ABCA1: variants seen among roughly 807,000 people sequenced by gnomAD.
ABCA1 encodes the protein ATP binding cassette subfamily A member 1.
Under a neutral mutation model 262.5 loss-of-function variants are expected in ABCA1, and 133 were observed. The ratio of observed to expected loss-of-function variants is 0.51; its 90% CI spans 0.44 to 0.59. The LOEUF is 0.59. Among genes scored for constraint, ABCA1 ranks in the 20% least tolerant of loss-of-function variants. The probability of loss-of-function intolerance (pLI) is 0.00; values close to 1 mark genes in which losing one functional copy is unlikely to be tolerated. For synonymous variants in ABCA1, 1,022 were observed against 1,043.5 expected, an observed-to-expected ratio of 0.98 and a Z score of 0.40; for missense variants, 2,452 against 2,777.5, an observed-to-expected ratio of 0.88 and a Z score of 2.63.
intron 1 of ABCA1, among the ~76,000 whole-genome samples, chr9:104,908,646 G>A (rs1194647215): frequency 6.6e-6 from 1 of 152,202 alleles, no homozygotes; most frequent in Non-Finnish European, 1.5e-5. Context: ...GGGTGACAGA[G>A]TGAGACACCT....
rs1489498348 is a variant in ABCA1 at position 104,781,265 on chromosome 9, A to G, written c.*3050T>C. On this transcript the variant is annotated 3_prime_UTR_variant, in exon 50 of 50. Transcript: ENST00000374736. The stretch of plus-strand genomic sequence containing the variant: ...GAATGAGGGCCAATGATGAACAAAG[A>G]GCACAAAAACAGCTTCATCTTAGGG... The G allele has an allele frequency of 6.6e-6, 1 of 152,626 alleles. No individual in the cohort carries two copies. Among genetic ancestry groups the G allele is most frequent in the Admixed American group, 6.5e-5 (1 of 15,282 alleles). 9.5% of individuals were successfully genotyped at this position (152,626 alleles called of 1,614,324 possible).
chr9:104,815,029 T>C (rs894405635), intron 25 of ABCA1, among the ~76,000 whole-genome samples: 5 of 152,038 alleles, frequency 3.3e-5, no homozygotes, highest in Admixed American at 2.0e-4. Flanking sequence ...AAAAAAGCTA[T>C]GACAGACACT....
intron 8 of ABCA1, among the ~76,000 whole-genome samples, chr9:104,844,626 G>A (rs944174154): frequency 6.6e-6 from 1 of 152,100 alleles, no homozygotes. Context: ...TTAGATACAA[G>A]CACCAAAAAA....
chr9:104,902,981 C>G (rs1840788287), intron 2 of ABCA1, among the ~76,000 whole-genome samples: 1 of 152,126 alleles, frequency 6.6e-6, no homozygotes, highest in Admixed American at 6.5e-5. Flanking sequence ...AAAGAGCTGA[C>G]GTCTGAGTTT....
chr9:104,805,766 C>T (rs1046812503), intron 31 of ABCA1, among the ~76,000 whole-genome samples: 3 of 152,206 alleles, frequency 2.0e-5, no homozygotes, highest in Non-Finnish European at 4.4e-5. Flanking sequence ...AAACCTTCTC[C>T]CCTCAAAACT....
intron 2 of ABCA1, among the ~76,000 whole-genome samples, chr9:104,895,799 T>C (rs1840153216): frequency 6.6e-6 from 1 of 152,144 alleles, no homozygotes; most frequent in South Asian, 2.1e-4. Context: ...TTTCCCTCCC[T>C]AGCCTGAGGA....
chr9:104,918,731 T>C (rs1487322341), intron 1 of ABCA1, among the ~76,000 whole-genome samples: 1 of 152,150 alleles, frequency 6.6e-6, no homozygotes, highest in Non-Finnish European at 1.5e-5. Context: ...TGGAGAAGGG[T>C]CTGCAGGTCA....
chr9:104,897,795 G>A (rs1400808788), intron 2 of ABCA1, among the ~76,000 whole-genome samples: 2 of 152,158 alleles, frequency 1.3e-5, no homozygotes, highest in African/African-American at 2.4e-5. Context: ...GTAGAGATGG[G>A]TGTCACCACA....
chr9:104,894,671 C>A (rs1053880270), intron 2 of ABCA1, among the ~76,000 whole-genome samples: 1 of 152,200 alleles, frequency 6.6e-6, no homozygotes, highest in Non-Finnish European at 1.5e-5. Flanking sequence ...TCCTTCTCTT[C>A]GCCATTATGG....
intron 1 of ABCA1, 65 bp from the exon 2 acceptor site, chr9:104,903,836 GACTGCTA>G: frequency 1.4e-6 from 1 of 713,574 alleles, no homozygotes; most frequent in Non-Finnish European, 2.5e-6. Context: ...CACCAATGAG[GACTGCTA>G]ATCCAGCCCT....
intron 11 of ABCA1, among the ~76,000 whole-genome samples, chr9:104,833,455 T>C (rs1442759528): frequency 6.6e-6 from 1 of 152,206 alleles, no homozygotes; most frequent in Non-Finnish European, 1.5e-5. Flanking sequence ...GTGCTGGGAT[T>C]ACAGGCACAA....
chr9:104,816,339 G>A lies in ABCA1; in HGVS notation c.3542C>T (p.Ser1181Phe), dbSNP rs76881554. Residue 1181 changes from serine to phenylalanine, a missense_variant, in exon 25 of 50, where the codon TCT (serine) becomes TTT (phenylalanine). Ser to Phe is a radical substitution (Grantham distance 155). Around this residue, in one of 4 missense-constraint regions of ABCA1, gnomAD observed 665 missense variants for 727.3 expected, o/e 0.91. Coordinates refer to ENST00000374736, the MANE Select transcript of ABCA1 (RefSeq NM_005502.4). ...CTTCCTGATGAGGTTGGAGATAGCA[G>A]AGACATCTGCAGGGACCAGAATGCA... ...HESDTLTIDVSAISNLIRKHV... is the reference protein window; with the variant it reads ...HESDTLTIDVFAISNLIRKHV... 2,594 of 1,613,706 alleles carry A rather than the reference G, an allele frequency of 1.6e-3. 1 individual carries two copies. Among genetic ancestry groups the A allele is most frequent in the Non-Finnish European group, 1.9e-3 (2,242 of 1,179,976 alleles).
chr9:104,927,879 C>T (rs1050904199), intron 1 of ABCA1, 56 bp downstream of exon 1: 1 of 152,368 alleles, frequency 6.6e-6, no homozygotes, highest in Non-Finnish European at 1.5e-5. Context: ...CCCGAAGCCT[C>T]CTTGGCCTCG....
chr9:104,796,908 A>G (rs1829943793), intron 37 of ABCA1, among the ~76,000 whole-genome samples: 1 of 152,236 alleles, frequency 6.6e-6, no homozygotes, highest in East Asian at 1.9e-4. Context: ...CTGTCCTGAC[A>G]GTGTATCAAG....
chr9:104,893,421 C>CAAA lies in ABCA1; in HGVS notation c.67-4229_67-4227dup, dbSNP rs34544647. Reference sequence around the variant, plus strand: ...TGGGCAACAGAGTGAGACTTCACCTCAAAAAAAAAAAAAAAAAAAAAAAAA... The same window carrying CAAA: ...TGGGCAACAGAGTGAGACTTCACCTCAAAAAAAAAAAAAAAAAAAAAAAAAAAA... On this transcript the variant is annotated intron_variant, in intron 2 of 49. Coordinates refer to ENST00000374736, the MANE Select transcript of ABCA1 (RefSeq NM_005502.4). Among the ~76,000 whole-genome samples, 345 of 35,128 alleles carry CAAA rather than the reference C, an allele frequency of 9.8e-3. 35 individuals are homozygous for CAAA. The highest frequency in any genetic ancestry group is 0.014 in the Admixed American group (36 of 2,572). 23.0% of individuals were successfully genotyped at this position (35,128 alleles called of 152,430 possible).
At position 104,903,666 on chromosome 9, in the gene ABCA1, G is replaced by T. The variant is rs1326879009; in HGVS notation, c.14C>A (p.Pro5His). The change falls in exon 2 of 50, where the codon CCT (proline) becomes CAT (histidine). Residue 5 changes from proline to histidine, a missense_variant. Physicochemically the swap from Pro to His is moderately conservative, Grantham distance 77. This residue lies in a region of ABCA1 where 1,032 missense variants were observed against 1,089.7 expected (regional missense o/e 0.95). Transcript: ENST00000374736. MACWPQLRLLLWKNL... is the reference protein window; with the variant it reads MACWHQLRLLLWKNL... Reference sequence around the variant, plus strand: ...CTTCCACAGCAGCAACCTCAGCTGAGGCCAACAAGCCATGTTCCCTCAGCC... The same window carrying T: ...CTTCCACAGCAGCAACCTCAGCTGATGCCAACAAGCCATGTTCCCTCAGCC... The T allele has an allele frequency of 1.3e-6, 2 of 1,582,396 alleles. No individual in the cohort carries two copies. The highest frequency in any genetic ancestry group is 2.3e-5 in the East Asian group (1 of 43,584).
At chr9:104,881,168 A>G (rs375788246) in intron 5 of ABCA1, among the ~76,000 whole-genome samples, 3 of 152,268 alleles carry the variant, frequency 2.0e-5, no homozygotes, top group African/African-American at 7.2e-5. Context: ...AAAAGAAAAG[A>G]AAAAGGAAAT....
intron 1 of ABCA1, among the ~76,000 whole-genome samples, chr9:104,904,706 T>C (rs1209130649): frequency 6.6e-6 from 1 of 151,954 alleles, no homozygotes; most frequent in Admixed American, 6.6e-5. Context: ...CCTAGCGCTG[T>C]GTCTCTGGAA....
At chr9:104,831,512 T>C (rs1833320346) in intron 13 of ABCA1, 110 bp downstream of exon 13, 1 of 915,958 alleles carries the variant, frequency 1.1e-6, no homozygotes, top group Non-Finnish European at 1.6e-6. Context: ...TTTTTGTTGT[T>C]GTTGAAATTT....
Sources: gnomAD v4.1 joint callset for allele counts (sites outside exome capture counted in the v4.1 genomes callset) on GRCh38, gnomAD v4.1.1 for gene constraint, gnomAD v4.1.1 regional missense constraint, MANE v1.5 for transcripts, NCBI Gene and HGNC (gene_info 2026-07-23, HGNC 2026-07-21) for gene names.